The following EYS variants were observed in gnomAD, a reference collection of about 807,000 sequenced individuals.
EYS encodes EGF-like photoreceptor maintenance factor.
EYS carries 250 observed loss-of-function variants against 282.1 expected under a neutral mutation model. That is an observed-to-expected ratio of 0.89 (90% confidence interval 0.80 to 0.98). The LOEUF (loss-of-function observed/expected upper bound fraction) is 0.98, where lower values mean the gene tolerates loss of function less well. Ranked by LOEUF, EYS falls within the 50% of genes least tolerant of loss-of-function variation. The pLI, the probability that EYS is intolerant of heterozygous loss-of-function variation, is 0.00. For synonymous variants in EYS, 1,355 were observed against 1,282.9 expected, an observed-to-expected ratio of 1.06 and a Z score of -1.20; for missense variants, 4,016 against 3,709.0, an observed-to-expected ratio of 1.08 and a Z score of -2.15.
At chr6:65,512,789 AGTGTGTAGAGGG>A (rs1562233050) in intron 2 of EYS, among the ~76,000 whole-genome samples, 3 of 152,166 alleles carry the variant, frequency 2.0e-5, no homozygotes, top group African/African-American at 7.2e-5. Flanking sequence ...CATTCAAAGC[AGTGTGTAGAGGG>A]AAATTTATAG....
intron 35 of EYS, among the ~76,000 whole-genome samples, chr6:63,898,806 GATTAA>G (rs1773596561): frequency 6.6e-6 from 1 of 151,614 alleles, no homozygotes; most frequent in African/African-American, 2.4e-5. Flanking sequence ...AAGAATGTAA[GATTAA>G]ATTAATAGCA....
chr6:65,429,869 A>G (rs1767813569), intron 5 of EYS, among the ~76,000 whole-genome samples: 1 of 152,200 alleles, frequency 6.6e-6, no homozygotes, highest in Non-Finnish European at 1.5e-5. Context: ...AATGACAATA[A>G]TAGTCAATGT....
At chr6:63,763,798 G>A (rs145700493) in intron 40 of EYS, among the ~76,000 whole-genome samples, 13 of 149,118 alleles carry the variant, frequency 8.7e-5, no homozygotes, top group Admixed American at 2.7e-4. Flanking sequence ...GCCTGAGAAC[G>A]GACTAATACA....
chr6:64,856,480 T>C (rs1319359128), intron 19 of EYS, among the ~76,000 whole-genome samples: 1 of 152,064 alleles, frequency 6.6e-6, no homozygotes, highest in African/African-American at 2.4e-5. Flanking sequence ...TTTGCATTTT[T>C]AGAAGATGGC....
At chr6:64,026,099 C>T (rs560376710) in intron 33 of EYS, among the ~76,000 whole-genome samples, 46 of 152,260 alleles carry the variant, frequency 3.0e-4, no homozygotes, top group African/African-American at 9.4e-4. Context: ...CGTCAGTGAG[C>T]GCAACTATTC....
chr6:65,060,383 G>A (rs962911687), intron 12 of EYS, among the ~76,000 whole-genome samples: 15 of 152,028 alleles, frequency 9.9e-5, no homozygotes, highest in African/African-American at 3.1e-4. Flanking sequence ...TACAATCACT[G>A]TTGTGACTTT....
intron 2 of EYS, among the ~76,000 whole-genome samples, chr6:65,555,440 C>G (rs1054137138): frequency 6.6e-6 from 1 of 152,070 alleles, no homozygotes; most frequent in South Asian, 2.1e-4. Flanking sequence ...TATTTTTTCA[C>G]TATATATTAG....
chr6:64,826,803 T>G (rs953075434), intron 19 of EYS, among the ~76,000 whole-genome samples: 1 of 151,320 alleles, frequency 6.6e-6, no homozygotes, highest in Non-Finnish European at 1.5e-5. Flanking sequence ...CGTTACATGT[T>G]TTGACAAGTT....
intron 33 of EYS, among the ~76,000 whole-genome samples, chr6:64,018,772 T>TG (rs1456684744): frequency 0.013 from 1,519 of 116,050 alleles, 76 homozygotes; most frequent in African/African-American, 0.054. Context: ...TTTTTTTTTT[T>TG]TTTTTTTTTT....
At chr6:65,661,341 T>C (rs1330932806) in intron 1 of EYS, among the ~76,000 whole-genome samples, 1 of 152,052 alleles carries the variant, frequency 6.6e-6, no homozygotes, top group Non-Finnish European at 1.5e-5. Context: ...CTTTGTTCTA[T>C]GCCCCTTCCA....
At chr6:65,272,689 T>C (rs1238315661) in intron 12 of EYS, among the ~76,000 whole-genome samples, 1 of 152,198 alleles carries the variant, frequency 6.6e-6, no homozygotes, top group Non-Finnish European at 1.5e-5. Context: ...TTATTACATA[T>C]ATATAAATGT....
chr6:65,443,881 T>C (rs1768547308), intron 5 of EYS, among the ~76,000 whole-genome samples: 1 of 151,866 alleles, frequency 6.6e-6, no homozygotes, highest in Non-Finnish European at 1.5e-5. Flanking sequence ...AAAATCTAAG[T>C]TAATCCTCAT....
chr6:64,126,138 C>A (rs1171604445), intron 31 of EYS, among the ~76,000 whole-genome samples: 1 of 152,014 alleles, frequency 6.6e-6, no homozygotes, highest in East Asian at 1.9e-4. Context: ...TTGTGGAAGA[C>A]AGTGTGGTGA....
At chr6:63,788,274 T>C in intron 38 of EYS, 25 bp from the exon 39 acceptor site, 1 of 1,495,456 alleles carries the variant, frequency 6.7e-7, no homozygotes, top group Admixed American at 2.5e-5. Flanking sequence ...AAAAACCTAT[T>C]AAAAAAGGAA....
At chr6:64,827,758 T>C (rs1314300921) in intron 19 of EYS, among the ~76,000 whole-genome samples, 1 of 151,846 alleles carries the variant, frequency 6.6e-6, no homozygotes, top group African/African-American at 2.4e-5. Context: ...AATATTTAAA[T>C]TAAAAACAAT....
chr6:64,725,365 C>T (rs1771718795), intron 22 of EYS, among the ~76,000 whole-genome samples: 1 of 152,006 alleles, frequency 6.6e-6, no homozygotes, highest in Non-Finnish European at 1.5e-5. Context: ...CTATCGTGTT[C>T]TCCCAGCCCA....
intron 40 of EYS, among the ~76,000 whole-genome samples, chr6:63,763,870 T>TTATATATATATATATA (rs55668347): frequency 4.7e-4 from 61 of 129,648 alleles, no homozygotes; most frequent in African/African-American, 1.4e-3. Context: ...TTATATCTTG[T>TTATATATATATATATA]TATATATATA....
intron 22 of EYS, among the ~76,000 whole-genome samples, chr6:64,775,481 A>G (rs952445099): frequency 2.0e-5 from 3 of 152,086 alleles, no homozygotes. Context: ...TCTCTTTTAT[A>G]AAACGGGCAT....
intron 26 of EYS, among the ~76,000 whole-genome samples, chr6:64,461,065 C>T (rs527976846): frequency 3.3e-5 from 5 of 152,290 alleles, no homozygotes; most frequent in African/African-American, 1.2e-4. Flanking sequence ...CTTAATATGA[C>T]TCCTGCTGAT....
Sources: allele counts gnomAD v4.1 joint callset (sites outside exome capture counted in the v4.1 genomes callset), GRCh38; gene constraint gnomAD v4.1.1; transcripts MANE v1.5; gene names NCBI Gene and HGNC (gene_info 2026-07-23, HGNC 2026-07-21).